Variants in PDZRN3 observed in about 807,000 individuals in gnomAD.
The protein encoded by PDZRN3 is E3 ubiquitin-protein ligase PDZRN3.
A neutral mutation model predicts 85.7 loss-of-function variants in PDZRN3; 38 were observed. The ratio of observed to expected loss-of-function variants is 0.44; its 90% confidence interval spans 0.34 to 0.58. PDZRN3 has a LOEUF of 0.58. PDZRN3 is among the 20% of genes least tolerant of loss of function. The pLI, the probability that PDZRN3 is intolerant of heterozygous loss-of-function variation, is 0.01. For missense variants in PDZRN3, 1,629 were observed against 1,506.4 expected (o/e 1.08, Z -1.35); for synonymous variants, 759 against 638.0 (o/e 1.19, Z -2.86).
At chr3:73,533,971 C>T (rs985511011) in intron 3 of PDZRN3, among the ~76,000 whole-genome samples, 1 of 152,034 alleles carries the variant, frequency 6.6e-6, no homozygotes, top group African/African-American at 2.4e-5. Context: ...CTTAGTACCA[C>T]CGGATGTCTT....
chr3:73,541,225 CTTTAGAAATA>C (rs1256305126), intron 3 of PDZRN3, among the ~76,000 whole-genome samples: 2 of 152,134 alleles, frequency 1.3e-5, no homozygotes, highest in African/African-American at 4.8e-5. Context: ...AAAGACCTGA[CTTTAGAAATA>C]TTTTTTTCTA....
intron 3 of PDZRN3, among the ~76,000 whole-genome samples, chr3:73,487,419 C>T (rs1192556665): frequency 3.9e-5 from 6 of 152,090 alleles, no homozygotes; most frequent in Non-Finnish European, 8.8e-5. Context: ...TCATTTTAAA[C>T]GTTCACTCTT....
intron 3 of PDZRN3, among the ~76,000 whole-genome samples, chr3:73,568,221 C>T (rs1305255626): frequency 1.3e-5 from 2 of 152,144 alleles, no homozygotes; most frequent in African/African-American, 4.8e-5. Context: ...CAGATCATCA[C>T]TAACCTGTCT....
intron 3 of PDZRN3, among the ~76,000 whole-genome samples, chr3:73,493,216 T>A (rs1033364458): frequency 1.3e-5 from 2 of 151,892 alleles, no homozygotes; most frequent in African/African-American, 4.8e-5. Flanking sequence ...ACACCCAAGG[T>A]CTCTCTAGAC....
chr3:73,490,867 GA>G (rs746599670), intron 3 of PDZRN3, among the ~76,000 whole-genome samples: 1 of 152,200 alleles, frequency 6.6e-6, no homozygotes, highest in Non-Finnish European at 1.5e-5. Flanking sequence ...GGCTGCCAAA[GA>G]AAACAGTGTC....
intron 3 of PDZRN3, among the ~76,000 whole-genome samples, chr3:73,447,712 A>C (rs1702778245): frequency 6.6e-6 from 1 of 152,210 alleles, no homozygotes; most frequent in Non-Finnish European, 1.5e-5. Context: ...ATTCAGTTGC[A>C]GTCCAAAAAG....
chr3:73,474,617 G>C (rs7626872), intron 3 of PDZRN3: 74,623 of 1,246,338 alleles, frequency 0.06, 5,717 homozygotes, highest in African/African-American at 0.37. Flanking sequence ...TATGTTGAGA[G>C]TACTGAGCAA....
intron 3 of PDZRN3, among the ~76,000 whole-genome samples, chr3:73,462,490 A>C (rs1434422712): frequency 7.2e-6 from 1 of 138,832 alleles, no homozygotes; most frequent in Admixed American, 8.2e-5. Context: ...GCTTGCCGTG[A>C]GTGAGATTGC....
At chr3:73,469,605 C>T (rs1360082980) in intron 3 of PDZRN3, among the ~76,000 whole-genome samples, 3 of 152,180 alleles carry the variant, frequency 2.0e-5, no homozygotes, top group Non-Finnish European at 4.4e-5. Flanking sequence ...ACGTTTAAAG[C>T]CTGACCCAAA....
At chr3:73,600,337 ACTCTCTCTCTCT>A (rs1553706426) in intron 3 of PDZRN3, among the ~76,000 whole-genome samples, 2 of 100,052 alleles carry the variant, frequency 2.0e-5, no homozygotes, top group Non-Finnish European at 3.8e-5. Context: ...ACACACACAC[ACTCTCTCTCTCT>A]CTCTCTCTCT....
chr3:73,469,355 G>T (rs1703287921), intron 3 of PDZRN3, among the ~76,000 whole-genome samples: 1 of 152,186 alleles, frequency 6.6e-6, no homozygotes, highest in African/African-American at 2.4e-5. Flanking sequence ...ACAGGCGTGA[G>T]CCACCACTCC....
intron 3 of PDZRN3, among the ~76,000 whole-genome samples, chr3:73,518,458 A>G (rs2106722400): frequency 6.6e-6 from 1 of 152,358 alleles, no homozygotes; most frequent in Admixed American, 6.5e-5. Flanking sequence ...GAATGCACTT[A>G]ATGCCACTGA....
At chr3:73,590,100 C>A (rs1007689048) in intron 3 of PDZRN3, among the ~76,000 whole-genome samples, 2 of 151,774 alleles carry the variant, frequency 1.3e-5, no homozygotes, top group African/African-American at 2.4e-5. Context: ...GACACCCCAT[C>A]TCTACCAAAA....
At chr3:73,464,188 T>C (rs979811241) in intron 3 of PDZRN3, among the ~76,000 whole-genome samples, 1 of 152,238 alleles carries the variant, frequency 6.6e-6, no homozygotes, top group African/African-American at 2.4e-5. Flanking sequence ...GGTTTCACCA[T>C]GTTGGCCAGG....
chr3:73,391,259 C>G (rs1701521827), intron 5 of PDZRN3, 143 bp from the exon 6 acceptor site: 1 of 590,124 alleles, frequency 1.7e-6, no homozygotes, highest in South Asian at 2.3e-5. Flanking sequence ...ACTTACTAAA[C>G]AAAAAGTGAT....
At chr3:73,596,066 T>C (rs992317155) in intron 3 of PDZRN3, among the ~76,000 whole-genome samples, 1 of 151,956 alleles carries the variant, frequency 6.6e-6, no homozygotes, top group Admixed American at 6.6e-5. Flanking sequence ...AAGATTAACC[T>C]GGAGTATCTT....
At chr3:73,560,172 T>G (rs1272732726) in intron 3 of PDZRN3, among the ~76,000 whole-genome samples, 1 of 152,198 alleles carries the variant, frequency 6.6e-6, no homozygotes, top group African/African-American at 2.4e-5. Context: ...ACCTTTTCCC[T>G]GAAAACCCTC....
chr3:73,503,571 T>A (rs1207112814), intron 3 of PDZRN3, among the ~76,000 whole-genome samples: 3 of 152,218 alleles, frequency 2.0e-5, no homozygotes, highest in Admixed American at 6.5e-5. Flanking sequence ...CAATAAAAAA[T>A]TCTTCTTTTG....
chr3:73,457,158 C>T (rs573048890), intron 3 of PDZRN3, among the ~76,000 whole-genome samples: 8 of 152,154 alleles, frequency 5.3e-5, no homozygotes, highest in African/African-American at 1.4e-4. Context: ...CCGCAACCTC[C>T]GCCTCCTGGA....
Sources: gnomAD v4.1 joint callset for allele counts (sites outside exome capture counted in the v4.1 genomes callset) on GRCh38, gnomAD v4.1.1 for gene constraint, MANE v1.5 for transcripts, NCBI Gene and HGNC (gene_info 2026-07-23, HGNC 2026-07-21) for gene names.